Variants in PDS5A observed in about 807,000 individuals in gnomAD.
PDS5A encodes PDS5 cohesin associated factor A.
In PDS5A, 42 loss-of-function variants were observed where a neutral mutation model predicts 167.1. The ratio of observed to expected loss-of-function variants is 0.25; its 90% CI spans 0.20 to 0.33. The LOEUF is 0.33. Ranked by LOEUF, PDS5A falls within the 10% of genes least tolerant of loss-of-function variation. The probability of loss-of-function intolerance (pLI) is 1.00; values close to 1 mark genes in which losing one functional copy is unlikely to be tolerated. For missense variants in PDS5A, 1,033 were observed against 1,605.9 expected, an observed-to-expected ratio of 0.64 and a Z score of 6.10; for synonymous variants, 553 against 554.6, an observed-to-expected ratio of 1.00 and a Z score of 0.04.
chr4:39,976,431 G>A lies in PDS5A; in HGVS notation c.138+9C>T, dbSNP rs373293326. 2.1e-5 allele frequency: 33 copies of A among 1,609,314 alleles called. No individual in the cohort carries two copies. Among genetic ancestry groups the A allele is most frequent in the African/African-American group, 8.0e-5 (6 of 74,844 alleles). On this transcript the variant is annotated intron_variant, in intron 2 of 32. Coordinates refer to ENST00000303538, the MANE Select transcript of PDS5A (RefSeq NM_001100399.2). ...TACCAAAGACATCAAAATCCGTCCA[G>A]ACACTTACCTTCAGGCGTTTGATCA...
At chr4:39,898,231 A>G (rs746933949) in intron 16 of PDS5A, 158 bp downstream of exon 16, 57 of 1,302,798 alleles carry the variant, frequency 4.4e-5, no homozygotes, top group Non-Finnish European at 5.1e-5. Context: ...GTGAATGGTA[A>G]ATAGAGAATT....
intron 26 of PDS5A, among the ~76,000 whole-genome samples, chr4:39,850,609 T>C (rs13135087): frequency 0.22 from 33,867 of 152,174 alleles, 4,740 homozygotes; most frequent in Middle Eastern, 0.33. Flanking sequence ...AGTTCTACAA[T>C]TGGTATGCAG....
chr4:39,918,756 A>G (rs1432416057), intron 7 of PDS5A, among the ~76,000 whole-genome samples: 1 of 152,122 alleles, frequency 6.6e-6, no homozygotes, highest in East Asian at 1.9e-4. Flanking sequence ...AGGAGGCTGG[A>G]GCAGGAGAAT....
At chr4:39,929,555 A>ATATATATATATG (rs1725804573) in intron 2 of PDS5A, among the ~76,000 whole-genome samples, 1 of 126,830 alleles carries the variant, frequency 7.9e-6, no homozygotes, top group South Asian at 2.5e-4. Flanking sequence ...ATATATATAT[A>ATATATATATATG]TCCCATTAAT....
chr4:39,927,733 G>C (rs1725593487), intron 3 of PDS5A, among the ~76,000 whole-genome samples: 1 of 152,114 alleles, frequency 6.6e-6, no homozygotes, highest in Non-Finnish European at 1.5e-5. Context: ...AGCATACAGG[G>C]ACTAGTTTTG....
intron 32 of PDS5A, among the ~76,000 whole-genome samples, chr4:39,831,822 G>GCCGAGATCAC (rs1715901312): frequency 1.6e-5 from 2 of 124,904 alleles, no homozygotes; most frequent in South Asian, 5.5e-4. Context: ...GTTGCGGTGA[G>GCCGAGATCAC]CCGAGATCAC....
chr4:39,943,321 C>T (rs142825987), intron 2 of PDS5A, among the ~76,000 whole-genome samples: 111 of 152,084 alleles, frequency 7.3e-4, no homozygotes, highest in African/African-American at 2.6e-3. Context: ...TTCTAATACA[C>T]CAGCATAGAC....
At chr4:39,940,800 G>A (rs2109765540) in intron 2 of PDS5A, among the ~76,000 whole-genome samples, 1 of 152,344 alleles carries the variant, frequency 6.6e-6, no homozygotes, top group Admixed American at 6.5e-5. Context: ...CTACAGGCAT[G>A]TGCCACTATG....
At chr4:39,894,729 A>C (rs558384325) in intron 16 of PDS5A, among the ~76,000 whole-genome samples, 114 of 152,354 alleles carry the variant, frequency 7.5e-4, no homozygotes, top group South Asian at 2.5e-3. Context: ...AGACATATGT[A>C]ATTGAAATTA....
At position 39,847,328 on chromosome 4, in the gene PDS5A, G is replaced by C. The variant is rs1717696529; in HGVS notation, c.3340-1448C>G. Reference sequence around the variant, plus strand: ...ACAGCTCACTTAAGAATATCTTATAGGCTGGGCATGGTGGCTCATGCAATC... The same window carrying C: ...ACAGCTCACTTAAGAATATCTTATACGCTGGGCATGGTGGCTCATGCAATC... On this transcript the variant is annotated intron_variant, in intron 28 of 32. Coordinates refer to ENST00000303538, the MANE Select transcript of PDS5A (RefSeq NM_001100399.2). 5 of 152,206 alleles carry C rather than the reference G, an allele frequency of 3.3e-5. No individual in the cohort carries two copies. In the South Asian group the frequency reaches 1.0e-3, roughly 32 times the overall value. The allele number at this position is 152,206 out of a possible 1,614,324, so 9.4% of individuals were successfully genotyped here.
chr4:39,829,210 T>C (rs1397594111), intron 32 of PDS5A, among the ~76,000 whole-genome samples: 2 of 152,190 alleles, frequency 1.3e-5, no homozygotes, highest in African/African-American at 4.8e-5. Context: ...AAAATGCAGG[T>C]GGAATGTCAA....
intron 27 of PDS5A, 31 bp from the exon 28 acceptor site, chr4:39,849,001 T>A: frequency 6.9e-7 from 1 of 1,441,716 alleles, no homozygotes; most frequent in Non-Finnish European, 9.4e-7. Context: ...TATATAACTT[T>A]TAGTATTGCA....
chr4:39,898,073 G>A, intron 16 of PDS5A: 2 of 1,052,630 alleles, frequency 1.9e-6, no homozygotes, highest in Non-Finnish European at 2.3e-6. Flanking sequence ...CATGAAAGAA[G>A]AAAATGCACA....
At chr4:39,973,753 G>C (rs183651656) in intron 2 of PDS5A, 1 of 1,298,880 alleles carries the variant, frequency 7.7e-7, no homozygotes, top group Admixed American at 1.7e-5. Flanking sequence ...TGTACGAGCT[G>C]TGCCCAACCA....
intron 32 of PDS5A, among the ~76,000 whole-genome samples, chr4:39,827,610 G>A (rs1032125196): frequency 2.0e-5 from 3 of 152,120 alleles, no homozygotes; most frequent in African/African-American, 4.8e-5. Context: ...TTTGAGATAC[G>A]AACCCACATG....
chr4:39,908,575 T>G, intron 10 of PDS5A, 35 bp from the exon 11 acceptor site: 1 of 1,326,872 alleles, frequency 7.5e-7, no homozygotes, highest in Non-Finnish European at 1.1e-6. Flanking sequence ...GGCTAAATGT[T>G]AGCTATGTAA....
chr4:39,973,067 C>T (rs1008113110), intron 2 of PDS5A: 18 of 682,316 alleles, frequency 2.6e-5, no homozygotes, highest in African/African-American at 5.4e-5. Flanking sequence ...TTAAGTTTTT[C>T]GATGTTTAGA....
chr4:39,885,838 C>T (rs1721417662), intron 17 of PDS5A, among the ~76,000 whole-genome samples: 1 of 152,074 alleles, frequency 6.6e-6, no homozygotes, highest in South Asian at 2.1e-4. Flanking sequence ...GCCTATGGTC[C>T]CATCTACTCT....
chr4:39,896,700 A>G (rs752066086), intron 16 of PDS5A, among the ~76,000 whole-genome samples: 53 of 151,826 alleles, frequency 3.5e-4, no homozygotes, highest in Non-Finnish European at 3.5e-4. Flanking sequence ...CAGGAGGCTG[A>G]GGATGCAGTG....
Sources: allele counts gnomAD v4.1 joint callset (sites outside exome capture counted in the v4.1 genomes callset), GRCh38; gene constraint gnomAD v4.1.1; transcripts MANE v1.5; gene names NCBI Gene and HGNC (gene_info 2026-07-23, HGNC 2026-07-21).